NCK2: variants seen among roughly 807,000 people sequenced by gnomAD.
NCK2 encodes the protein NCK adaptor protein 2.
A neutral mutation model predicts 33.9 loss-of-function variants in NCK2; 16 were observed. The observed-to-expected ratio is 0.47, with a 90% confidence interval of 0.32 to 0.72. The LOEUF is 0.72. NCK2 is among the 30% of genes least tolerant of loss of function. The pLI is 0.03. For missense variants in NCK2, 418 were observed against 537.3 expected (o/e 0.78, Z 2.19); for synonymous variants, 273 against 239.9 (o/e 1.14, Z -1.27).
At chr2:105,802,175 G>A (rs990795513) in intron 1 of NCK2, among the ~76,000 whole-genome samples, 10 of 152,186 alleles carry the variant, frequency 6.6e-5, no homozygotes, top group Non-Finnish European at 1.2e-4. Context: ...CTCTTGAGAA[G>A]CTGAACAATG....
At chr2:105,871,465 T>C (rs1398350994) in intron 3 of NCK2, among the ~76,000 whole-genome samples, 1 of 152,108 alleles carries the variant, frequency 6.6e-6, no homozygotes, top group Non-Finnish European at 1.5e-5. Flanking sequence ...GATGGGGATT[T>C]GCTAAGCTTT....
At chr2:105,847,999 A>G (rs939070374) in intron 2 of NCK2, among the ~76,000 whole-genome samples, 2 of 152,300 alleles carry the variant, frequency 1.3e-5, no homozygotes, top group South Asian at 2.1e-4. Context: ...GTGTTGGCAC[A>G]TCTTTCTGTT....
chr2:105,809,942 G>T (rs1052752594), intron 1 of NCK2, among the ~76,000 whole-genome samples: 11 of 152,174 alleles, frequency 7.2e-5, no homozygotes, highest in African/African-American at 2.7e-4. Context: ...AGGCAGGGAA[G>T]GGAGCGAGCG....
At chr2:105,767,304 T>C (rs950025032) in intron 1 of NCK2, among the ~76,000 whole-genome samples, 2 of 152,250 alleles carry the variant, frequency 1.3e-5, no homozygotes, top group African/African-American at 2.4e-5. Context: ...ATGTCTGATA[T>C]GAGCTTAGAA....
intron 1 of NCK2, among the ~76,000 whole-genome samples, chr2:105,757,056 C>T (rs563572773): frequency 3.9e-5 from 6 of 152,258 alleles, no homozygotes; most frequent in Non-Finnish European, 7.4e-5. Context: ...CTGCCTGCCT[C>T]GGCCTCCCAG....
chr2:105,767,300 G>T (rs1162646829), intron 1 of NCK2, among the ~76,000 whole-genome samples: 1 of 152,206 alleles, frequency 6.6e-6, no homozygotes, highest in Non-Finnish European at 1.5e-5. Context: ...TTGGATGTCT[G>T]ATATGAGCTT....
chr2:105,842,126 C>T (rs1443365445), intron 2 of NCK2, among the ~76,000 whole-genome samples: 1 of 151,306 alleles, frequency 6.6e-6, no homozygotes, highest in Non-Finnish European at 1.5e-5. Context: ...TCTCTCGTTT[C>T]CCAGGCTGGA....
chr2:105,802,165 C>T (rs542495299), intron 1 of NCK2, among the ~76,000 whole-genome samples: 1 of 152,250 alleles, frequency 6.6e-6, no homozygotes, highest in African/African-American at 2.4e-5. Context: ...GGATTTAGGA[C>T]TCTTGAGAAG....
At chr2:105,843,649 C>T (rs1367450468) in intron 2 of NCK2, among the ~76,000 whole-genome samples, 1 of 152,148 alleles carries the variant, frequency 6.6e-6, no homozygotes, top group Middle Eastern at 3.2e-3. Flanking sequence ...TGAAAACGCT[C>T]CCATACACAA....
At chr2:105,783,291 G>A (rs1690561455) in intron 1 of NCK2, among the ~76,000 whole-genome samples, 1 of 152,182 alleles carries the variant, frequency 6.6e-6, no homozygotes, top group Non-Finnish European at 1.5e-5. Context: ...GCTTGGGTGG[G>A]CCCCCATCGC....
At chr2:105,848,517 G>T (rs909384287) in intron 2 of NCK2, 1 of 152,208 alleles carries the variant, frequency 6.6e-6, no homozygotes, top group African/African-American at 2.4e-5. Flanking sequence ...CTGCTGCCCT[G>T]TAAGAGTCAG....
chr2:105,881,269 T>A, intron 3 of NCK2, 59 bp from the exon 4 acceptor site: 2 of 1,527,592 alleles, frequency 1.3e-6, no homozygotes. Context: ...CCCGGTAGGC[T>A]AGGGAGTGTG....
rs554091969 is a variant in NCK2, at chr2:105,794,045, A to AT, written c.-200-22365dup. On this transcript the variant is annotated intron_variant, in intron 1 of 4. Transcript: ENST00000233154. ...GGATTCTAAAATATTGTATCTTTCG[A>AT]TTTTTTTTTTTTTTTTTTTTGGAGA... Among the ~76,000 whole-genome samples the AT allele has an allele frequency of 9.3e-3, 1,016 of 109,532 alleles. 9 individuals carry two copies. Among genetic ancestry groups the AT allele is most frequent in the East Asian group, 0.014 (51 of 3,722 alleles). 71.9% of individuals were successfully genotyped at this position (109,532 alleles called of 152,430 possible).
chr2:105,757,980 G>A (rs965869979), intron 1 of NCK2, among the ~76,000 whole-genome samples: 2 of 152,156 alleles, frequency 1.3e-5, no homozygotes, highest in African/African-American at 4.8e-5. Context: ...TCATGCCAGG[G>A]TGGGTGTTAT....
chr2:105,747,085 G>C (rs1689312402), intron 1 of NCK2, among the ~76,000 whole-genome samples: 1 of 152,176 alleles, frequency 6.6e-6, no homozygotes, highest in Non-Finnish European at 1.5e-5. Context: ...CGTCGGGCTT[G>C]CTGAAGGTGC....
At chr2:105,880,936 ATTTTTTTTTTT>A (rs59005322) in intron 3 of NCK2, among the ~76,000 whole-genome samples, 10 of 103,556 alleles carry the variant, frequency 9.7e-5, no homozygotes, top group African/African-American at 1.4e-4. Context: ...CAGGTGGCTA[ATTTTTTTTTTT>A]TTTTTTTTTT....
At chr2:105,859,003 A>G (rs1461671424) in intron 3 of NCK2, among the ~76,000 whole-genome samples, 2 of 152,196 alleles carry the variant, frequency 1.3e-5, no homozygotes, top group African/African-American at 2.4e-5. Flanking sequence ...ATGTTTTTGA[A>G]GGGCTCAGAC....
chr2:105,822,879 GC>G (rs1023928774), intron 2 of NCK2, among the ~76,000 whole-genome samples: 1 of 151,922 alleles, frequency 6.6e-6, no homozygotes, highest in Admixed American at 6.6e-5. Flanking sequence ...TACTTTCCTT[GC>G]CTAGTACGGC....
chr2:105,882,181 A>G lies in NCK2; in HGVS notation c.948+132A>G, dbSNP rs138584857. ...CGGGAGACGCAGATGAATGCAATTT[A>G]GTATAATGTTTGCTACTCCGTGATT... is the stretch of plus-strand genomic sequence containing the variant. On this transcript the variant is annotated intron_variant, in intron 4 of 4. Coordinates refer to ENST00000233154, the MANE Select transcript of NCK2 (RefSeq NM_003581.5). 4.9e-4 allele frequency: 532 copies of G among 1,087,920 alleles called. 2 individuals carry two copies. The highest frequency in any genetic ancestry group is 3.0e-3 in the Middle Eastern group (9 of 3,024). 67.4% of individuals were successfully genotyped at this position (1,087,920 alleles called of 1,614,324 possible).
Sources: gnomAD v4.1 joint callset for allele counts (sites outside exome capture counted in the v4.1 genomes callset) on GRCh38, gnomAD v4.1.1 for gene constraint, MANE v1.5 for transcripts, NCBI Gene and HGNC (gene_info 2026-07-23, HGNC 2026-07-21) for gene names.